ROBO1: variants seen among roughly 807,000 people sequenced by gnomAD.
ROBO1 encodes roundabout homolog 1.
ROBO1 carries 149 observed loss-of-function variants against 195.9 expected under a neutral mutation model. The observed-to-expected ratio is 0.76, with a 90% CI of 0.67 to 0.87. The LOEUF (loss-of-function observed/expected upper bound fraction) is 0.87, where lower values mean the gene tolerates loss of function less well. Among genes scored for constraint, ROBO1 ranks in the 40% least tolerant of loss-of-function variants. ROBO1 has a pLI of 0.00. For missense variants in ROBO1, 1,933 were observed against 2,068.3 expected (o/e 0.93, Z 1.27); for synonymous variants, 816 against 733.2 (o/e 1.11, Z -1.82).
intron 4 of ROBO1, among the ~76,000 whole-genome samples, chr3:78,852,875 T>G (rs186243270): frequency 6.6e-6 from 1 of 152,144 alleles, no homozygotes; most frequent in African/African-American, 2.4e-5. Flanking sequence ...GGTAGTGATG[T>G]ATTGTGAGCT....
intron 2 of ROBO1, among the ~76,000 whole-genome samples, chr3:79,421,097 T>A (rs1368084673): frequency 2.0e-5 from 3 of 152,092 alleles, no homozygotes. Context: ...TGGAAGCTAT[T>A]GTCCTTAGAA....
intron 3 of ROBO1, among the ~76,000 whole-genome samples, chr3:79,089,846 A>G (rs147700815): frequency 6.6e-6 from 1 of 151,496 alleles, no homozygotes; most frequent in East Asian, 1.9e-4. Flanking sequence ...CTATTTTTCT[A>G]TTGGCGTTGT....
At position 78,617,720 on chromosome 3, in the gene ROBO1, A is replaced by C; in HGVS notation, c.4197T>G (p.Thr1399=). The C allele has an allele frequency of 6.2e-7, 1 of 1,613,972 alleles. No individual in the cohort carries two copies. The highest frequency in any genetic ancestry group is 8.5e-7 in the Non-Finnish European group (1 of 1,179,872). Residue 1399 remains threonine (T), a synonymous_variant, in exon 27 of 31, where the codon ACT becomes ACG. Coordinates refer to ENST00000464233, the MANE Select transcript of ROBO1 (RefSeq NM_002941.4). ...SVSSSDGSFF[T]DADFAQAVAA... ...CGACTGCCTGGGCAAAGTCAGCATC[A>C]GTGAAAAAGGAGCCGTCCGAAGAAC... is the stretch of plus-strand genomic sequence containing the variant.
At chr3:78,740,096 T>C (rs932140496) in intron 5 of ROBO1, among the ~76,000 whole-genome samples, 3 of 152,128 alleles carry the variant, frequency 2.0e-5, no homozygotes, top group African/African-American at 7.2e-5. Flanking sequence ...TGAATATACA[T>C]AAAGTGCTTG....
chr3:78,943,349 G>T (rs532085124), intron 3 of ROBO1, among the ~76,000 whole-genome samples: 1 of 152,296 alleles, frequency 6.6e-6, no homozygotes, highest in Non-Finnish European at 1.5e-5. Context: ...GTTGCTGAGA[G>T]TTCACTCTGT....
intron 4 of ROBO1, among the ~76,000 whole-genome samples, chr3:78,756,976 C>T (rs981583681): frequency 6.6e-6 from 1 of 152,162 alleles, no homozygotes. Context: ...ACTGCAACCT[C>T]CGCCTTCTGG....
intron 2 of ROBO1, among the ~76,000 whole-genome samples, chr3:79,451,418 C>A (rs146460882): frequency 2.6e-5 from 4 of 152,026 alleles, no homozygotes; most frequent in East Asian, 1.9e-4. Flanking sequence ...AATGGAAGAG[C>A]CTTACCCCCT....
In ROBO1 at chr3:79,040,003, C is replaced by T. The variant is rs1289458221; in HGVS notation, c.172+85453G>A. The stretch of plus-strand genomic sequence containing the variant: ...AATGCTCAATACATAACCATCATTA[C>T]TTTGACATGGTTGTCTTTCTGACCT... On this transcript the variant is annotated intron_variant, in intron 3 of 30. Transcript: ENST00000464233. Among the ~76,000 whole-genome samples the T allele has an allele frequency of 2.6e-5, 4 of 152,042 alleles. No individual in the cohort carries two copies. The East Asian group carries it at 5.8e-4, about 22-fold the overall frequency.
In ROBO1 at chr3:78,728,967, A is replaced by C. The variant is rs542418370; in HGVS notation, c.658-11084T>G. On this transcript the variant is annotated intron_variant, in intron 5 of 30. Transcript: ENST00000464233. ...GCCAGGAGTTTAAACACACTTGATC[A>C]TCAGAGAGAAGCAACAAGAGACTTA... Among the ~76,000 whole-genome samples the C allele has an allele frequency of 2.6e-5, 4 of 152,368 alleles. 1 individual carries two copies. The South Asian group carries it at 8.3e-4, about 32-fold the overall frequency.
At chr3:79,540,956 A>G (rs968887093) in intron 2 of ROBO1, among the ~76,000 whole-genome samples, 2 of 152,248 alleles carry the variant, frequency 1.3e-5, no homozygotes, top group African/African-American at 4.8e-5. Context: ...ATGCACATGA[A>G]ATTTCTACTA....
chr3:78,717,146 G>T, intron 7 of ROBO1, 129 bp downstream of exon 7: 1 of 929,232 alleles, frequency 1.1e-6, no homozygotes, highest in Non-Finnish European at 1.6e-6. Context: ...ATTATCTCCA[G>T]TATTGTATCT....
At chr3:79,193,240 A>G (rs1178902943) in intron 2 of ROBO1, among the ~76,000 whole-genome samples, 8 of 151,712 alleles carry the variant, frequency 5.3e-5, no homozygotes, top group African/African-American at 1.5e-4. Context: ...AGTTCAGATG[A>G]GAGTCTTGGT....
At chr3:78,939,092 C>T (rs1017358528) in intron 3 of ROBO1, among the ~76,000 whole-genome samples, 165 bp from the exon 4 acceptor site, 3 of 152,170 alleles carry the variant, frequency 2.0e-5, no homozygotes, top group Admixed American at 6.5e-5. Context: ...TTGACTACAC[C>T]TTCCAATTCT....
intron 4 of ROBO1, among the ~76,000 whole-genome samples, chr3:78,797,510 A>G (rs1396652380): frequency 6.6e-6 from 1 of 151,452 alleles, no homozygotes; most frequent in African/African-American, 2.5e-5. Flanking sequence ...TTAGCTAGCC[A>G]TCTTCCAGCC....
At chr3:79,039,523 C>T (rs571159761) in intron 3 of ROBO1, among the ~76,000 whole-genome samples, 2 of 152,122 alleles carry the variant, frequency 1.3e-5, no homozygotes, top group East Asian at 1.9e-4. Flanking sequence ...TGTGGCTGAG[C>T]GCTGTGGCTC....
chr3:79,052,093 G>A (rs1249362822), intron 3 of ROBO1, among the ~76,000 whole-genome samples: 2 of 152,022 alleles, frequency 1.3e-5, no homozygotes, highest in Non-Finnish European at 2.9e-5. Context: ...TGTGGGGCCG[G>A]GCAGAACAGT....
chr3:78,799,466 T>C (rs989491929), intron 4 of ROBO1, among the ~76,000 whole-genome samples: 26 of 152,080 alleles, frequency 1.7e-4, no homozygotes, highest in Admixed American at 6.5e-4. Context: ...CTCAGCCTCC[T>C]GAGTAGCTGG....
At chr3:78,802,561 C>T (rs554460043) in intron 4 of ROBO1, among the ~76,000 whole-genome samples, 5 of 152,000 alleles carry the variant, frequency 3.3e-5, no homozygotes, top group African/African-American at 1.2e-4. Flanking sequence ...AAAAACAAAA[C>T]AAAACAAAAA....
At chr3:79,239,120 TCAAA>T (rs2082466380) in intron 2 of ROBO1, among the ~76,000 whole-genome samples, 16 of 152,144 alleles carry the variant, frequency 1.1e-4, no homozygotes, top group Admixed American at 1.0e-3. Flanking sequence ...TGAATTATGA[TCAAA>T]TCTCAACGAA....
Sources: allele counts gnomAD v4.1 joint callset (sites outside exome capture counted in the v4.1 genomes callset), GRCh38; gene constraint gnomAD v4.1.1; transcripts MANE v1.5; gene names NCBI Gene and HGNC (gene_info 2026-07-23, HGNC 2026-07-21).